The following NTRK2 variants were observed in gnomAD, a reference collection of about 807,000 sequenced individuals.
The protein encoded by NTRK2 is neurotrophic receptor tyrosine kinase 2, also known as BDNF/NT-3 growth factors receptor.
A neutral mutation model predicts 94.5 loss-of-function variants in NTRK2; 13 were observed. That is an observed-to-expected ratio of 0.14 (90% CI 0.09 to 0.22). The LOEUF (loss-of-function observed/expected upper bound fraction) is 0.22. NTRK2 is among the 10% of genes least tolerant of loss of function. The pLI, the probability that NTRK2 is intolerant of heterozygous loss-of-function variation, is 1.00. For synonymous variants in NTRK2, 372 were observed against 407.4 expected (o/e 0.91, Z 1.05); for missense variants, 639 against 1,071.2 (o/e 0.60, Z 5.63).
chr9:84,822,380 A>G (rs374011460), intron 12 of NTRK2, among the ~76,000 whole-genome samples: 13 of 152,300 alleles, frequency 8.5e-5, no homozygotes, highest in African/African-American at 3.1e-4. Flanking sequence ...TGGGAATATG[A>G]AGAAATTAGG....
chr9:84,738,838 C>A (rs1379795227), intron 9 of NTRK2, among the ~76,000 whole-genome samples: 1 of 152,152 alleles, frequency 6.6e-6, no homozygotes, highest in Non-Finnish European at 1.5e-5. Flanking sequence ...GTTTCATAAT[C>A]TTACACTAAA....
intron 14 of NTRK2, chr9:84,872,263 C>T: frequency 8.9e-7 from 1 of 1,126,896 alleles, no homozygotes. Flanking sequence ...AACTTTTTGA[C>T]AGGGAACAAT....
intron 12 of NTRK2, among the ~76,000 whole-genome samples, chr9:84,860,219 C>A (rs1316488612): frequency 6.6e-6 from 1 of 152,198 alleles, no homozygotes; most frequent in African/African-American, 2.4e-5. Context: ...GGTATTTCCC[C>A]ACTGTGCAGA....
At chr9:85,007,343 G>A (rs1588170952) in intron 17 of NTRK2, among the ~76,000 whole-genome samples, 1 of 152,148 alleles carries the variant, frequency 6.6e-6, no homozygotes, top group South Asian at 2.1e-4. Flanking sequence ...CAAAATGTAG[G>A]GGACCCTGCA....
intron 12 of NTRK2, chr9:84,813,496 C>T: frequency 9.4e-7 from 1 of 1,065,284 alleles, no homozygotes; most frequent in Non-Finnish European, 1.1e-6. Context: ...TGCAAATTCA[C>T]TTTTCTTTCT....
At chr9:84,817,093 A>T (rs1184311519) in intron 12 of NTRK2, among the ~76,000 whole-genome samples, 1 of 152,234 alleles carries the variant, frequency 6.6e-6, no homozygotes, top group East Asian at 1.9e-4. Context: ...TATAAGAGTT[A>T]AATGAGATGG....
chr9:84,813,459 T>C (rs150243571), intron 12 of NTRK2: 2 of 1,065,070 alleles, frequency 1.9e-6, no homozygotes, highest in East Asian at 1.0e-4. Flanking sequence ...ATCATTGTTC[T>C]CTCACGGTAT....
At chr9:84,751,374 T>C (rs924865956) in intron 11 of NTRK2, among the ~76,000 whole-genome samples, 2 of 152,070 alleles carry the variant, frequency 1.3e-5, no homozygotes, top group Admixed American at 1.3e-4. Flanking sequence ...GAGCCCGGGA[T>C]TTCAACACCA....
chr9:84,793,230 T>C (rs753727413), intron 12 of NTRK2, among the ~76,000 whole-genome samples: 2 of 152,018 alleles, frequency 1.3e-5, no homozygotes, highest in Non-Finnish European at 2.9e-5. Context: ...AAAAGAGAAA[T>C]TGGAAGAAAA....
chr9:84,961,190 G>T (rs1824881968), intron 17 of NTRK2, among the ~76,000 whole-genome samples: 1 of 151,948 alleles, frequency 6.6e-6, no homozygotes, highest in Non-Finnish European at 1.5e-5. Context: ...CAATTTACAG[G>T]GCAAATCAGT....
At chr9:84,679,612 C>CT (rs1184405177) in intron 2 of NTRK2, among the ~76,000 whole-genome samples, 1 of 152,190 alleles carries the variant, frequency 6.6e-6, no homozygotes, top group African/African-American at 2.4e-5. Context: ...CTGATTTCAT[C>CT]TTGAACCTGG....
At chr9:84,893,994 G>A (rs2076674603) in intron 14 of NTRK2, among the ~76,000 whole-genome samples, 1 of 152,148 alleles carries the variant, frequency 6.6e-6, no homozygotes, top group Non-Finnish European at 1.5e-5. Flanking sequence ...ACCGAGTGTT[G>A]CAAGGAGATA....
At chr9:85,014,080 T>C (rs1343802720) in intron 17 of NTRK2, among the ~76,000 whole-genome samples, 1 of 151,718 alleles carries the variant, frequency 6.6e-6, no homozygotes, top group Non-Finnish European at 1.5e-5. Context: ...GGAGAGTGAG[T>C]TTTGGTGGGG....
At position 84,810,977 on chromosome 9, in the gene NTRK2, A is replaced by G. The variant is rs2071716261; in HGVS notation, c.1397-50063A>G. 5 of 1,118,854 alleles carry G rather than the reference A, an allele frequency of 4.5e-6. No individual in the cohort carries two copies. In the African/African-American group the frequency reaches 7.9e-5, roughly 18 times the overall value. 69.3% of individuals were successfully genotyped at this position (1,118,854 alleles called of 1,614,324 possible). Reference sequence around the variant, plus strand: ...CTTCTGTTTATTAAAATTGACCTGCAAAGTTAAAAAAAAATTAAAGTTGAG... The same window carrying G: ...CTTCTGTTTATTAAAATTGACCTGCGAAGTTAAAAAAAAATTAAAGTTGAG... On this transcript the variant is annotated intron_variant, in intron 12 of 18. Coordinates refer to ENST00000277120, the MANE Select transcript of NTRK2 (RefSeq NM_006180.6).
chr9:84,993,793 C>G (rs1311892210), intron 17 of NTRK2, among the ~76,000 whole-genome samples: 2 of 152,198 alleles, frequency 1.3e-5, no homozygotes, highest in Non-Finnish European at 2.9e-5. Flanking sequence ...CTCAAACACA[C>G]TTTGCACCTC....
At chr9:85,009,036 A>G (rs541790785) in intron 17 of NTRK2, among the ~76,000 whole-genome samples, 2 of 152,318 alleles carry the variant, frequency 1.3e-5, no homozygotes, top group East Asian at 1.9e-4. Context: ...ACGTTCAGCT[A>G]GTTGGCAAGT....
chr9:84,812,590 A>G, intron 12 of NTRK2: 1 of 1,046,244 alleles, frequency 9.6e-7, no homozygotes, highest in Non-Finnish European at 1.2e-6. Flanking sequence ...ATGACCCTGA[A>G]AGAGAGATGA....
chr9:85,000,051 G>T (rs565150901), intron 17 of NTRK2, among the ~76,000 whole-genome samples: 1 of 152,218 alleles, frequency 6.6e-6, no homozygotes, highest in South Asian at 2.1e-4. Context: ...ACACAGCCTC[G>T]GGTCACATCC....
At chr9:84,832,597 C>T (rs1367500407) in intron 12 of NTRK2, among the ~76,000 whole-genome samples, 2 of 152,264 alleles carry the variant, frequency 1.3e-5, no homozygotes, top group East Asian at 1.9e-4. Context: ...GATGCAGCAT[C>T]GTTGTTGCGT....
Sources: gnomAD v4.1 joint callset for allele counts (sites outside exome capture counted in the v4.1 genomes callset) on GRCh38, gnomAD v4.1.1 for gene constraint, MANE v1.5 for transcripts, NCBI Gene and HGNC (gene_info 2026-07-23, HGNC 2026-07-21) for gene names.